KIF19: variants seen among roughly 807,000 people sequenced by gnomAD.
KIF19 encodes kinesin-like protein KIF19.
Under a neutral mutation model 106.6 loss-of-function variants are expected in KIF19, and 98 were observed. The ratio of observed to expected loss-of-function variants is 0.92; its 90% CI spans 0.78 to 1.09. KIF19 has a LOEUF of 1.09. KIF19 is among the 50% of genes least tolerant of loss of function. The probability of loss-of-function intolerance (pLI) is 0.00; values close to 1 mark genes in which losing one functional copy is unlikely to be tolerated. For synonymous variants in KIF19, 516 were observed against 584.2 expected, an observed-to-expected ratio of 0.88 and a Z score of 1.68; for missense variants, 1,373 against 1,414.3, an observed-to-expected ratio of 0.97 and a Z score of 0.47.
chr17:74,350,118 G>A (rs1368260664), intron 10 of KIF19, among the ~76,000 whole-genome samples: 1 of 152,098 alleles, frequency 6.6e-6, no homozygotes, highest in Non-Finnish European at 1.5e-5. Context: ...AGTTTCTAGG[G>A]GCACCTTTTT....
At chr17:74,340,887 T>C (rs1337132082) in intron 2 of KIF19, among the ~76,000 whole-genome samples, 1 of 152,198 alleles carries the variant, frequency 6.6e-6, no homozygotes, top group African/African-American at 2.4e-5. Context: ...TAGGAGTCAG[T>C]GGACTTTGAA....
At chr17:74,335,616 G>A (rs902906045) in intron 2 of KIF19, among the ~76,000 whole-genome samples, 2 of 152,268 alleles carry the variant, frequency 1.3e-5, no homozygotes, top group African/African-American at 2.4e-5. Flanking sequence ...AGAGGAGGCC[G>A]TGGAGGTGGG....
In KIF19 at chr17:74,349,189, G is replaced by C. The variant is rs774045501; in HGVS notation, c.1053G>C (p.Lys351Asn). 5 of 1,613,682 alleles carry C rather than the reference G, an allele frequency of 3.1e-6. No individual in the cohort carries two copies. The highest frequency in any genetic ancestry group is 4.2e-6 in the Non-Finnish European group (5 of 1,179,880). ...TCCATACGTGTTCCCTGCAGGTGAA[G>C]CAGAACCTCCTGAACGTCTCCTACC... Reference protein sequence around the residue: ...GRAKNIKTRVKQNLLNVSYHI... With the variant: ...GRAKNIKTRVNQNLLNVSYHI... Residue 351 changes from lysine (K) to asparagine (N), a missense_variant, in exon 10 of 20, where the codon AAG (lysine) becomes AAC (asparagine). By Grantham distance (94) the Lys-to-Asn change is moderately conservative. Around this residue, in one of 3 missense-constraint regions of KIF19, gnomAD observed 1,020 missense variants for 1,008.2 expected, o/e 1.01. Coordinates refer to ENST00000389916, the MANE Select transcript of KIF19 (RefSeq NM_153209.4).
At position 74,354,250 on chromosome 17, in the gene KIF19, C is replaced by G. The variant is rs770341971; in HGVS notation, c.2397C>G (p.His799Gln). ...GGGCCCTGGGAACCGAGGGGCGACA[C>G]CTGCTGGCACCCGCGACAGAGCGCA... ...RSRALGTEGR[H>Q]LLAPATERSS... Residue 799 changes from histidine (H) to glutamine (Q), a missense_variant, in exon 18 of 20, where the codon CAC becomes CAG. His to Gln is a conservative substitution (Grantham distance 24). Around this residue, in one of 3 missense-constraint regions of KIF19, gnomAD observed 1,020 missense variants for 1,008.2 expected, o/e 1.01. Coordinates refer to ENST00000389916, the MANE Select transcript of KIF19 (RefSeq NM_153209.4). 6.2e-7 allele frequency: 1 copy of G among 1,608,328 alleles called. No homozygotes were observed. The highest frequency in any genetic ancestry group is 1.3e-5 in the African/African-American group (1 of 74,928).
chr17:74,342,785 A>C (rs1233877377), intron 4 of KIF19, 68 bp downstream of exon 4: 1 of 1,432,244 alleles, frequency 7.0e-7, no homozygotes, highest in Non-Finnish European at 9.8e-7. Flanking sequence ...CCCTCCAACT[A>C]GTCTGACCCC....
chr17:74,343,061 G>C lies in KIF19; in HGVS notation c.357G>C (p.Gln119His). ...CCTACACCATGCTGGGCACAGACCA[G>C]GAGCCTGGCATCTATGTTCAGACCC... Reference protein sequence around the residue: ...GKTYTMLGTDQEPGIYVQTLN... With the variant: ...GKTYTMLGTDHEPGIYVQTLN... The change falls in exon 5 of 20, where the codon CAG becomes CAC. Residue 119 changes from glutamine to histidine, a missense_variant. By Grantham distance (24) the Gln-to-His change is conservative. This residue lies in a region of KIF19 where 348 missense variants were observed against 389.5 expected (regional missense o/e 0.89). Coordinates refer to ENST00000389916, the MANE Select transcript of KIF19 (RefSeq NM_153209.4). The C allele has an allele frequency of 6.2e-7, 1 of 1,612,492 alleles. No homozygotes were observed. Among genetic ancestry groups the C allele is most frequent in the Non-Finnish European group, 8.5e-7 (1 of 1,179,590 alleles).
chr17:74,333,223 C>A (rs963265642), intron 2 of KIF19, among the ~76,000 whole-genome samples: 2 of 152,262 alleles, frequency 1.3e-5, no homozygotes, highest in Non-Finnish European at 2.9e-5. Context: ...GGTCAGGATT[C>A]TTTACCTCTC....
intron 10 of KIF19, among the ~76,000 whole-genome samples, 155 bp from the exon 11 acceptor site, chr17:74,350,246 G>A (rs547425469): frequency 4.6e-5 from 7 of 152,318 alleles, no homozygotes; most frequent in African/African-American, 1.7e-4. Flanking sequence ...CTGGGAGGAT[G>A]TAGTAATCTA....
chr17:74,339,981 C>A (rs2054319736), intron 2 of KIF19, among the ~76,000 whole-genome samples: 1 of 152,202 alleles, frequency 6.6e-6, no homozygotes, highest in African/African-American at 2.4e-5. Flanking sequence ...TCAGTCTCCA[C>A]CCCTGCCCTC....
At chr17:74,335,100 C>A (rs1384571050) in intron 2 of KIF19, among the ~76,000 whole-genome samples, 1 of 152,196 alleles carries the variant, frequency 6.6e-6, no homozygotes, top group Admixed American at 6.5e-5. Flanking sequence ...GCCTTGGAGG[C>A]TGTGGGAGGA....
At chr17:74,352,726 A>T in intron 14 of KIF19, 95 bp from the exon 15 acceptor site, 1 of 1,490,364 alleles carries the variant, frequency 6.7e-7, no homozygotes, top group Non-Finnish European at 9.3e-7. Context: ...AGGCCATCTT[A>T]CAGCCCTTGT....
At chr17:74,352,487 C>T (rs1173721046) in intron 14 of KIF19, 147 bp downstream of exon 14, 1 of 1,105,204 alleles carries the variant, frequency 9.0e-7, no homozygotes, top group Admixed American at 2.9e-5. Context: ...TCTTACCCCA[C>T]CCAAAGCCTT....
Position 74,346,301 on chromosome 17 carries a change from C to T in KIF19, c.778-77C>T. Reference sequence around the variant, plus strand: ...TATTACCCAGGATCACCAGGTCATTCATTGGTGGGGTGGCTGGGGAGAAAC... The same window carrying T: ...TATTACCCAGGATCACCAGGTCATTTATTGGTGGGGTGGCTGGGGAGAAAC... On this transcript the variant is annotated intron_variant, in intron 7 of 19. Transcript: ENST00000389916. This position sits in a 1 kb window ranked among gnomAD's most constrained non-coding sequence, Gnocchi z 4.6. 2 of 1,463,528 alleles carry T rather than the reference C, an allele frequency of 1.4e-6. No homozygotes were observed. Among genetic ancestry groups the T allele is most frequent in the Non-Finnish European group, 1.8e-6 (2 of 1,081,662 alleles). 90.7% of individuals were successfully genotyped at this position (1,463,528 alleles called of 1,614,324 possible).
Position 74,351,864 on chromosome 17 carries a change from C to T in KIF19, c.1588-3C>T. ...GCCAGATGCTGACCTGCGCCTCCTG[C>T]AGCTGGCGCTGGAGCAGCGCTGCCG... On this transcript the variant is annotated splice_region_variant and splice_polypyrimidine_tract_variant and intron_variant, in intron 12 of 19. Transcript: ENST00000389916. 1 of 1,383,744 alleles carries T rather than the reference C, an allele frequency of 7.2e-7. No homozygotes were observed. Among genetic ancestry groups the T allele is most frequent in the Admixed American group, 3.7e-5 (1 of 26,862 alleles). The allele number at this position is 1,383,744 out of a possible 1,614,324, so 85.7% of individuals were successfully genotyped here. A position where few individuals can be genotyped will look rare whatever the true frequency, so the allele number is the denominator to read the frequency against.
At chr17:74,344,520 A>G (rs2054474547) in intron 6 of KIF19, among the ~76,000 whole-genome samples, 172 bp downstream of exon 6, 1 of 152,284 alleles carries the variant, frequency 6.6e-6, no homozygotes, top group East Asian at 1.9e-4. Flanking sequence ...CAATGCCCCC[A>G]CCACGCTGAC....
In KIF19 at chr17:74,342,693, A is replaced by G; in HGVS notation, c.295A>G (p.Thr99Ala). 1.2e-6 allele frequency: 2 copies of G among 1,613,596 alleles called. No individual in the cohort carries two copies. Among genetic ancestry groups the G allele is most frequent in the South Asian group, 2.2e-5 (2 of 91,080 alleles). ...GGGCGTCATCTCAGGCTACAATGCC[A>G]CTGTCTTTGCCTATGGCCCCACAGG... ...IEGVISGYNA[T>A]VFAYGPTGCG... The change falls in exon 4 of 20, where the codon ACT becomes GCT. Residue 99 changes from threonine to alanine, a missense_variant. This residue lies in a region of KIF19 where 348 missense variants were observed against 389.5 expected (regional missense o/e 0.89). Transcript: ENST00000389916.
At chr17:74,342,582 C>A in intron 3 of KIF19, 48 bp from the exon 4 acceptor site, 1 of 1,456,988 alleles carries the variant, frequency 6.9e-7, no homozygotes, top group Non-Finnish European at 9.6e-7. Context: ...GGTGCCTGTG[C>A]TGTGCCCCGC....
intron 2 of KIF19, among the ~76,000 whole-genome samples, chr17:74,332,712 A>T (rs2054126957): frequency 6.6e-6 from 1 of 152,204 alleles, no homozygotes; most frequent in Non-Finnish European, 1.5e-5. Flanking sequence ...AAGGGCCACC[A>T]GGGGAGATCT....
chr17:74,338,458 G>C (rs1451143120), intron 2 of KIF19, among the ~76,000 whole-genome samples: 2 of 151,950 alleles, frequency 1.3e-5, no homozygotes, highest in East Asian at 3.8e-4. Flanking sequence ...AAAGCCCCCG[G>C]TCCATCCTAT....
Sources: allele counts gnomAD v4.1 joint callset (sites outside exome capture counted in the v4.1 genomes callset), GRCh38; gene constraint gnomAD v4.1.1; regional missense constraint gnomAD v4.1.1; non-coding constraint Gnocchi (gnomAD v3.1); transcripts MANE v1.5; gene names NCBI Gene and HGNC (gene_info 2026-07-23, HGNC 2026-07-21).